The following CWF19L1 variants were observed in gnomAD, a reference collection of about 807,000 sequenced individuals.
The protein encoded by CWF19L1 is CWF19 like cell cycle control factor 1, also known as CWF19-like protein 1.
In CWF19L1, 60 loss-of-function variants were observed where a neutral mutation model predicts 69.7. The ratio of observed to expected loss-of-function variants is 0.86; its 90% CI spans 0.70 to 1.07. CWF19L1 has a LOEUF of 1.07. Among genes scored for constraint, CWF19L1 ranks in the 50% least tolerant of loss-of-function variants. The pLI, the probability that CWF19L1 is intolerant of heterozygous loss-of-function variation, is 0.00. For missense variants in CWF19L1, 591 were observed against 638.9 expected, an observed-to-expected ratio of 0.92 and a Z score of 0.81; for synonymous variants, 209 against 222.2, an observed-to-expected ratio of 0.94 and a Z score of 0.53.
chr10:100,258,447 T>C (rs1394151243), intron 4 of CWF19L1: 1 of 152,186 alleles, frequency 6.6e-6, no homozygotes, highest in Non-Finnish European at 1.5e-5. Flanking sequence ...CTGCCAAATA[T>C]CTACAGTAAT....
At chr10:100,259,088 C>T (rs1847307967) in intron 4 of CWF19L1, among the ~76,000 whole-genome samples, 1 of 151,626 alleles carries the variant, frequency 6.6e-6, no homozygotes, top group South Asian at 2.1e-4. Context: ...GTAATCCCAG[C>T]TACTCGGAAG....
chr10:100,250,029 C>A (rs1764007590), intron 7 of CWF19L1: 1 of 561,054 alleles, frequency 1.8e-6, no homozygotes. Context: ...TGCCTTTATT[C>A]CTCTGGGCCT....
At chr10:100,246,511 A>G (rs1846822714) in intron 8 of CWF19L1, among the ~76,000 whole-genome samples, 1 of 152,234 alleles carries the variant, frequency 6.6e-6, no homozygotes, top group South Asian at 2.1e-4. Flanking sequence ...AAGAGCTAAG[A>G]ACAGATAATC....
chr10:100,266,492 T>C (rs1289311508), intron 1 of CWF19L1, among the ~76,000 whole-genome samples: 1 of 144,794 alleles, frequency 6.9e-6, no homozygotes, highest in Non-Finnish European at 1.5e-5. Flanking sequence ...CCTGGCCCTA[T>C]CACTATGGTA....
intron 10 of CWF19L1, among the ~76,000 whole-genome samples, chr10:100,241,580 G>C (rs1038090178): frequency 2.2e-4 from 33 of 152,222 alleles, no homozygotes; most frequent in African/African-American, 7.0e-4. Flanking sequence ...TCCATCTTGT[G>C]TTGCTATAAT....
intron 1 of CWF19L1, among the ~76,000 whole-genome samples, chr10:100,265,994 A>C (rs1847567940): frequency 6.6e-6 from 1 of 152,152 alleles, no homozygotes; most frequent in Non-Finnish European, 1.5e-5. Flanking sequence ...ATGTTCGCAC[A>C]ATGACGAAAT....
At chr10:100,257,369 T>C (rs867291905) in intron 4 of CWF19L1, among the ~76,000 whole-genome samples, 6 of 147,988 alleles carry the variant, frequency 4.1e-5, no homozygotes, top group South Asian at 4.4e-4. Context: ...TCTTGGCTCA[T>C]TGCAACCTCC....
At chr10:100,251,677 A>G (rs1319238533) in intron 6 of CWF19L1, among the ~76,000 whole-genome samples, 1 of 151,804 alleles carries the variant, frequency 6.6e-6, no homozygotes, top group Non-Finnish European at 1.5e-5. Flanking sequence ...ATGCCCAGCT[A>G]ATTTTTTGTA....
At chr10:100,261,158 A>G in intron 2 of CWF19L1, 114 bp from the exon 3 acceptor site, 1 of 676,766 alleles carries the variant, frequency 1.5e-6, no homozygotes. Context: ...TTAATTCTTA[A>G]TCAATTTGCA....
intron 6 of CWF19L1, among the ~76,000 whole-genome samples, chr10:100,251,273 A>T (rs1469850878): frequency 6.6e-6 from 1 of 152,112 alleles, no homozygotes; most frequent in Non-Finnish European, 1.5e-5. Flanking sequence ...TCTTACATTT[A>T]ACCTTTCAAG....
rs1846831084 is a variant in CWF19L1, at chr10:100,246,648, A to C, written c.849+147T>G. On this transcript the variant is annotated intron_variant, in intron 8 of 13. Transcript: ENST00000354105. Reference sequence around the variant, plus strand: ...CAATAAAAAACACTAAGCTTAGCTGAAATCTACTAAGATTTTCTAAACATC... The same window carrying C: ...CAATAAAAAACACTAAGCTTAGCTGCAATCTACTAAGATTTTCTAAACATC... The C allele has an allele frequency of 3.6e-6, 3 of 829,308 alleles. No individual in the cohort carries two copies. In the South Asian group the frequency reaches 7.2e-5, roughly 20 times the overall value. 51.4% of individuals were successfully genotyped at this position (829,308 alleles called of 1,614,324 possible).
chr10:100,244,442 G>A (rs1383200731), intron 9 of CWF19L1, among the ~76,000 whole-genome samples: 3 of 152,110 alleles, frequency 2.0e-5, no homozygotes, highest in Non-Finnish European at 2.9e-5. Flanking sequence ...TGCAAGCTCC[G>A]CCTCCCAGGT....
Position 100,238,184 on chromosome 10 carries a change from G to A in CWF19L1, c.1092C>T (p.Leu364=), listed in dbSNP as rs779365893. The stretch of plus-strand genomic sequence containing the variant: ...ACTGGTAGTGTCCAATAGGCAGGAT[G>A]AGGACATGGTCATCAGATAAGCCTC... ...AKGGLSDDHV[L]ILPIGHYQSV... The change falls in exon 11 of 14, where the codon CTC becomes CTT. Residue 364 remains leucine (L), a synonymous_variant. Transcript: ENST00000354105. The A allele has an allele frequency of 1.2e-6, 2 of 1,614,176 alleles. No homozygotes were observed. Among genetic ancestry groups the A allele is most frequent in the South Asian group, 2.2e-5 (2 of 91,084 alleles).
intron 10 of CWF19L1, among the ~76,000 whole-genome samples, chr10:100,242,673 C>CAAAAAAAAAAAAAAAAAAAAAAAAA (rs397844633): frequency 1.1e-5 from 1 of 88,736 alleles, no homozygotes; most frequent in African/African-American, 3.2e-5. Context: ...GACTCCATCT[C>CAAAAAAAAAAAAAAAAAAAAAAAAA]AAAAAAAAAA....
chr10:100,251,657 G>C (rs539823877), intron 6 of CWF19L1, among the ~76,000 whole-genome samples: 2 of 151,638 alleles, frequency 1.3e-5, no homozygotes, highest in Admixed American at 1.3e-4. Flanking sequence ...GACTACAGGC[G>C]CCCGCCACCA....
At chr10:100,248,361 C>A in intron 7 of CWF19L1, 1 of 884,442 alleles carries the variant, frequency 1.1e-6, no homozygotes. Context: ...GGATGCTGAG[C>A]AAAGAGCTGT....
chr10:100,247,833 T>A (rs187458851), intron 7 of CWF19L1, among the ~76,000 whole-genome samples: 312 of 151,846 alleles, frequency 2.1e-3, no homozygotes, highest in Admixed American at 6.0e-3. Context: ...GAGGTGGAGG[T>A]TGCAGTAAGC....
Position 100,252,780 on chromosome 10 carries a change from G to A in CWF19L1, c.623+641C>T, listed in dbSNP as rs1008233052. Among the ~76,000 whole-genome samples, 116 of 150,566 alleles carry A rather than the reference G, an allele frequency of 7.7e-4. 3 individuals carry two copies. The highest frequency in any genetic ancestry group is 7.7e-3 in the Admixed American group (116 of 15,128). On this transcript the variant is annotated intron_variant, in intron 6 of 13. Transcript: ENST00000354105. Reference sequence around the variant, plus strand: ...GAACCCAGGAGGCGGAGGTTGCAGTGAGCCGAGATCATGCCACTGCACTCC... The same window carrying A: ...GAACCCAGGAGGCGGAGGTTGCAGTAAGCCGAGATCATGCCACTGCACTCC...
chr10:100,259,785 T>C (rs933504553), intron 4 of CWF19L1, among the ~76,000 whole-genome samples: 1 of 152,100 alleles, frequency 6.6e-6, no homozygotes, highest in African/African-American at 2.4e-5. Flanking sequence ...CAAACCCCAT[T>C]ATCTCAGGCT....
Sources: gnomAD v4.1 joint callset for allele counts (sites outside exome capture counted in the v4.1 genomes callset) on GRCh38, gnomAD v4.1.1 for gene constraint, MANE v1.5 for transcripts, NCBI Gene and HGNC (gene_info 2026-07-23, HGNC 2026-07-21) for gene names.